CIT: variants seen among roughly 807,000 people sequenced by gnomAD.
The protein encoded by CIT is citron Rho-interacting kinase.
Under a neutral mutation model 272.7 loss-of-function variants are expected in CIT, and 79 were observed. That is an observed-to-expected ratio of 0.29 (90% CI 0.24 to 0.35). The LOEUF is 0.35. CIT is among the 10% of genes least tolerant of loss of function. CIT has a pLI of 1.00. For synonymous variants in CIT, 948 were observed against 995.6 expected (o/e 0.95, Z 0.90); for missense variants, 1,909 against 2,618.3 (o/e 0.73, Z 5.91).
At chr12:119,720,683 T>G in intron 29 of CIT, 98 bp from the exon 30 acceptor site, 1 of 789,758 alleles carries the variant, frequency 1.3e-6, no homozygotes. Context: ...GTTAGGACAC[T>G]AATATATGAA....
At chr12:119,876,564 G>A (rs1950853205) in intron 1 of CIT, among the ~76,000 whole-genome samples, 1 of 152,194 alleles carries the variant, frequency 6.6e-6, no homozygotes, top group African/African-American at 2.4e-5. Context: ...GGTGTTAAGT[G>A]CTATGGGGTA....
chr12:119,764,274 G>A (rs142928786), intron 19 of CIT, among the ~76,000 whole-genome samples: 500 of 152,308 alleles, frequency 3.3e-3, no homozygotes, highest in Non-Finnish European at 4.2e-3. Context: ...ACATAGTGGA[G>A]TTGTCAGGTA....
chr12:119,852,059 CGAA>C (rs1160476982), intron 4 of CIT, among the ~76,000 whole-genome samples: 2 of 151,936 alleles, frequency 1.3e-5, no homozygotes, highest in African/African-American at 4.8e-5. Flanking sequence ...AATAAAATCA[CGAA>C]GGAGGAAGGA....
chr12:119,877,065 A>G lies in CIT; in HGVS notation c.-14+184T>C, dbSNP rs1225974313. Reference sequence around the variant, plus strand: ...CACTCGGCTGACCCCTCGGCTCCCAAGGAAGGTGGGCGCGCGCACAGCTAG... The same window carrying G: ...CACTCGGCTGACCCCTCGGCTCCCAGGGAAGGTGGGCGCGCGCACAGCTAG... On this transcript the variant is annotated intron_variant, in intron 1 of 47. Transcript: ENST00000392521. Among the ~76,000 whole-genome samples the G allele has an allele frequency of 2.0e-5, 3 of 152,246 alleles. No homozygotes were observed. In the East Asian group the frequency reaches 5.8e-4, roughly 29 times the overall value.
chr12:119,759,320 C>T (rs1487688687), intron 20 of CIT, among the ~76,000 whole-genome samples: 1 of 152,212 alleles, frequency 6.6e-6, no homozygotes, highest in African/African-American at 2.4e-5. Context: ...CCTGCGCAAG[C>T]GAGGGATCGA....
At chr12:119,862,808 T>TA (rs1157467178) in intron 3 of CIT, among the ~76,000 whole-genome samples, 451 of 10,234 alleles carry the variant, frequency 0.044, 63 homozygotes, top group Non-Finnish European at 0.064. Flanking sequence ...AGACTCTACC[T>TA]AAAAAAAAAA....
At chr12:119,756,792 AG>A (rs1961046436) in intron 22 of CIT, among the ~76,000 whole-genome samples, 1 of 152,038 alleles carries the variant, frequency 6.6e-6, no homozygotes, top group Admixed American at 6.5e-5. Context: ...AATGGGCTTT[AG>A]GTTCCCTGCC....
At chr12:119,732,503 A>C (rs1958512631) in intron 26 of CIT, among the ~76,000 whole-genome samples, 1 of 152,164 alleles carries the variant, frequency 6.6e-6, no homozygotes, top group Non-Finnish European at 1.5e-5. Context: ...ATTCAGAAGG[A>C]AGCTGGAATA....
intron 32 of CIT, 144 bp from the exon 33 acceptor site, chr12:119,714,478 CTTACAA>C: frequency 1.2e-6 from 1 of 810,798 alleles, no homozygotes; most frequent in Non-Finnish European, 1.9e-6. Context: ...ATAAAGAACT[CTTACAA>C]CTCAATAATA....
chr12:119,695,307 C>A (rs1956169471), intron 46 of CIT, among the ~76,000 whole-genome samples: 1 of 152,118 alleles, frequency 6.6e-6, no homozygotes. Flanking sequence ...AGGATTGAAG[C>A]TCCCCAAAAA....
intron 7 of CIT, among the ~76,000 whole-genome samples, chr12:119,829,112 A>G (rs919435565): frequency 7.2e-5 from 11 of 152,114 alleles, no homozygotes; most frequent in Non-Finnish European, 1.5e-4. Context: ...AAGAAAACCA[A>G]TGTCTTCCTC....
At chr12:119,747,095 T>C (rs1233398889) in intron 23 of CIT, among the ~76,000 whole-genome samples, 1 of 152,206 alleles carries the variant, frequency 6.6e-6, no homozygotes, top group Non-Finnish European at 1.5e-5. Context: ...CTCTTGTTTA[T>C]GTAGTATCCA....
At chr12:119,716,564 T>C (rs1012647616) in intron 32 of CIT, among the ~76,000 whole-genome samples, 1 of 152,136 alleles carries the variant, frequency 6.6e-6, no homozygotes, top group Non-Finnish European at 1.5e-5. Flanking sequence ...ACCACAGCTC[T>C]ACCCTAGTGT....
chr12:119,850,424 G>A, intron 4 of CIT, 149 bp from the exon 5 acceptor site: 1 of 361,772 alleles, frequency 2.8e-6, no homozygotes, highest in Non-Finnish European at 4.9e-6. Flanking sequence ...ACAGAAGGAA[G>A]GAAGGAAGAA....
intron 23 of CIT, among the ~76,000 whole-genome samples, chr12:119,743,151 T>C (rs1162324286): frequency 6.6e-6 from 1 of 151,796 alleles, no homozygotes; most frequent in Non-Finnish European, 1.5e-5. Flanking sequence ...TTCATTCTGG[T>C]GACGGAAGAT....
intron 5 of CIT, among the ~76,000 whole-genome samples, chr12:119,839,983 C>T (rs1173238310): frequency 1.3e-5 from 2 of 152,132 alleles, no homozygotes; most frequent in Admixed American, 1.3e-4. Flanking sequence ...AAAATGAGGT[C>T]CCTACACCAG....
chr12:119,851,888 C>T (rs1275952008), intron 4 of CIT, among the ~76,000 whole-genome samples: 1 of 152,060 alleles, frequency 6.6e-6, no homozygotes, highest in Non-Finnish European at 1.5e-5. Flanking sequence ...CAAAAAGTAG[C>T]TGGGTGTGGT....
Position 119,767,190 on chromosome 12 carries a change from C to G in CIT, c.2209-8G>C. ...ATGTTTCTCTTCGAGCTCCTAGACA[C>G]AAAAGAAAAGACAGTCAGGTGTGCA... On this transcript the variant is annotated splice_region_variant and splice_polypyrimidine_tract_variant and intron_variant, in intron 18 of 47. Transcript: ENST00000392521. The G allele has an allele frequency of 6.2e-7, 1 of 1,602,982 alleles. No individual in the cohort carries two copies. Among genetic ancestry groups the G allele is most frequent in the Non-Finnish European group, 8.5e-7 (1 of 1,174,288 alleles).
intron 40 of CIT, among the ~76,000 whole-genome samples, chr12:119,706,961 T>C (rs556718123): frequency 1.3e-5 from 2 of 152,358 alleles, no homozygotes; most frequent in Admixed American, 1.3e-4. Context: ...ATTTTTTGAC[T>C]TTTTGACTAA....
Sources: gnomAD v4.1 joint callset for allele counts (sites outside exome capture counted in the v4.1 genomes callset) on GRCh38, gnomAD v4.1.1 for gene constraint, MANE v1.5 for transcripts, NCBI Gene and HGNC (gene_info 2026-07-23, HGNC 2026-07-21) for gene names.